GRID2: variants seen among roughly 807,000 people sequenced by gnomAD.
GRID2 encodes the protein glutamate ionotropic receptor delta type subunit 2, also known as glutamate receptor ionotropic, delta-2.
Under a neutral mutation model 114.8 loss-of-function variants are expected in GRID2, and 33 were observed. That is an observed-to-expected ratio of 0.29 (90% CI 0.22 to 0.38). GRID2 has a LOEUF of 0.38. GRID2 is among the 10% of genes least tolerant of loss of function. The pLI is 1.00. For missense variants in GRID2, 1,184 were observed against 1,257.7 expected (o/e 0.94, Z 0.89); for synonymous variants, 505 against 449.9 (o/e 1.12, Z -1.55).
chr4:93,165,057 A>G (rs1420616415), intron 4 of GRID2, among the ~76,000 whole-genome samples: 2 of 152,036 alleles, frequency 1.3e-5, no homozygotes, highest in East Asian at 3.9e-4. Flanking sequence ...GAAGATGGAG[A>G]TAATAACTTC....
At position 93,531,007 on chromosome 4, in the gene GRID2, G is replaced by A. The variant is rs1021977071; in HGVS notation, c.2193+15596G>A. ...ACAGATTTCAGTACTTTTCAATTCAGTTTAAATGCTATCAGTCTTGTCTGG... is the reference window on the plus strand; with the variant it reads ...ACAGATTTCAGTACTTTTCAATTCAATTTAAATGCTATCAGTCTTGTCTGG... On this transcript the variant is annotated intron_variant, in intron 13 of 15. Coordinates refer to ENST00000282020, the MANE Select transcript of GRID2 (RefSeq NM_001510.4). Among the ~76,000 whole-genome samples the A allele has an allele frequency of 5.3e-5, 8 of 152,216 alleles. No individual in the cohort carries two copies. In the East Asian group the frequency reaches 5.8e-4, roughly 11 times the overall value.
chr4:93,478,972 A>G (rs1025795308), intron 11 of GRID2, among the ~76,000 whole-genome samples: 2 of 152,074 alleles, frequency 1.3e-5, no homozygotes, highest in East Asian at 3.9e-4. Context: ...TAACAATTAT[A>G]TTAGTCAGAT....
chr4:93,235,786 C>A (rs1406875122), intron 7 of GRID2, among the ~76,000 whole-genome samples: 3 of 152,022 alleles, frequency 2.0e-5, no homozygotes, highest in African/African-American at 7.2e-5. Context: ...TCTGTACCTT[C>A]TTCAAGTAAA....
intron 2 of GRID2, among the ~76,000 whole-genome samples, chr4:93,083,949 T>C (rs1730107754): frequency 6.6e-6 from 1 of 152,042 alleles, no homozygotes; most frequent in African/African-American, 2.4e-5. Flanking sequence ...GTTAATTATA[T>C]ACAAGAACTT....
intron 2 of GRID2, among the ~76,000 whole-genome samples, chr4:92,801,516 C>A (rs565449150): frequency 1.7e-4 from 26 of 151,864 alleles, no homozygotes; most frequent in Non-Finnish European, 2.7e-4. Context: ...TATAAGTATT[C>A]AAAACCTGTA....
At chr4:92,384,694 T>C (rs1284132123) in intron 1 of GRID2, among the ~76,000 whole-genome samples, 3 of 118,604 alleles carry the variant, frequency 2.5e-5, no homozygotes, top group African/African-American at 9.8e-5. Context: ...ATAATATATA[T>C]GAGACATATG....
At chr4:92,627,790 A>G (rs1041617269) in intron 2 of GRID2, among the ~76,000 whole-genome samples, 24 of 152,304 alleles carry the variant, frequency 1.6e-4, no homozygotes, top group African/African-American at 5.8e-4. Flanking sequence ...TGCATTATTT[A>G]TATTTTCACT....
At chr4:93,328,008 C>T (rs1201713842) in intron 8 of GRID2, among the ~76,000 whole-genome samples, 1 of 151,950 alleles carries the variant, frequency 6.6e-6, no homozygotes, top group Non-Finnish European at 1.5e-5. Flanking sequence ...TTCTCCTCTA[C>T]TGTCCTCCTT....
At chr4:92,396,764 C>G (rs1029934581) in intron 1 of GRID2, among the ~76,000 whole-genome samples, 2 of 152,006 alleles carry the variant, frequency 1.3e-5, no homozygotes, top group East Asian at 3.8e-4. Context: ...AGATCTAAAA[C>G]ATAGTTCAGA....
Position 92,786,174 on chromosome 4 carries a change from C to G in GRID2, c.244+195888C>G, listed in dbSNP as rs754998455. Among the ~76,000 whole-genome samples the G allele has an allele frequency of 6.6e-5, 10 of 151,838 alleles. 1 individual carries two copies. Among genetic ancestry groups the G allele is most frequent in the Non-Finnish European group, 1.5e-5 (1 of 67,874 alleles). On this transcript the variant is annotated intron_variant, in intron 2 of 15. Transcript: ENST00000282020. ...TTGCCTAAAACTTCTTGTATTTTAT[C>G]TAAGTATCTGTTGGCTTCCTGTCTC...
intron 13 of GRID2, among the ~76,000 whole-genome samples, chr4:93,596,217 C>G (rs900442387): frequency 6.6e-5 from 10 of 152,158 alleles, no homozygotes; most frequent in African/African-American, 2.4e-4. Context: ...GTTTAATGTA[C>G]AATAAATTCT....
intron 2 of GRID2, among the ~76,000 whole-genome samples, chr4:92,982,642 C>T (rs1026345306): frequency 2.6e-5 from 4 of 152,050 alleles, no homozygotes; most frequent in Non-Finnish European, 4.4e-5. Context: ...TCTGCCTCCT[C>T]TCAAACATTC....
chr4:93,164,783 G>T, intron 4 of GRID2: 1 of 416,844 alleles, frequency 2.4e-6, no homozygotes, highest in Non-Finnish European at 5.0e-6. Flanking sequence ...AGTGATTTTT[G>T]TTTTCATGCC....
At chr4:92,640,587 T>C (rs1386054691) in intron 2 of GRID2, among the ~76,000 whole-genome samples, 3 of 151,846 alleles carry the variant, frequency 2.0e-5, no homozygotes, top group Non-Finnish European at 2.9e-5. Context: ...AAATAAATTC[T>C]GATAACTAGG....
At chr4:93,360,707 T>C (rs572832044) in intron 8 of GRID2, among the ~76,000 whole-genome samples, 27 of 152,044 alleles carry the variant, frequency 1.8e-4, no homozygotes, top group African/African-American at 6.3e-4. Flanking sequence ...TTTAAGAGCA[T>C]GCTATATTCT....
intron 2 of GRID2, among the ~76,000 whole-genome samples, chr4:92,674,804 C>T (rs933265917): frequency 1.3e-5 from 2 of 152,204 alleles, no homozygotes; most frequent in Non-Finnish European, 2.9e-5. Context: ...GCTAGGATTA[C>T]AGGCATGAGC....
intron 2 of GRID2, among the ~76,000 whole-genome samples, chr4:93,034,408 A>G (rs1184210231): frequency 6.6e-6 from 1 of 152,204 alleles, no homozygotes; most frequent in African/African-American, 2.4e-5. Context: ...CTGAGGGATT[A>G]AAAACTTGGA....
chr4:92,743,859 G>A (rs2149333413), intron 2 of GRID2, among the ~76,000 whole-genome samples: 1 of 152,278 alleles, frequency 6.6e-6, no homozygotes. Flanking sequence ...ATTGAGTGTA[G>A]ACAGAAGATC....
intron 1 of GRID2, among the ~76,000 whole-genome samples, chr4:92,531,339 G>GA (rs1725346223): frequency 6.6e-6 from 1 of 152,098 alleles, no homozygotes; most frequent in Non-Finnish European, 1.5e-5. Context: ...AGAACATAAT[G>GA]TAAAAACACA....
Sources: gnomAD v4.1 joint callset for allele counts (sites outside exome capture counted in the v4.1 genomes callset) on GRCh38, gnomAD v4.1.1 for gene constraint, MANE v1.5 for transcripts, NCBI Gene and HGNC (gene_info 2026-07-23, HGNC 2026-07-21) for gene names.